Variants in ARHGEF1 observed in about 807,000 individuals in gnomAD.
The protein encoded by ARHGEF1 is Rho guanine nucleotide exchange factor 1.
In ARHGEF1, 40 loss-of-function variants were observed where a neutral mutation model predicts 119.7. The ratio of observed to expected loss-of-function variants is 0.33; its 90% confidence interval spans 0.26 to 0.44. The LOEUF is 0.44. Ranked by LOEUF, ARHGEF1 falls within the 20% of genes least tolerant of loss-of-function variation. ARHGEF1 has a pLI of 1.00. For synonymous variants in ARHGEF1, 494 were observed against 521.0 expected (o/e 0.95, Z 0.71); for missense variants, 976 against 1,268.3 (o/e 0.77, Z 3.50).
rs2074336981 is a variant in ARHGEF1, at chr19:41,889,020, G to C, written c.225+155G>C. The C allele has an allele frequency of 3.0e-6, 2 of 662,888 alleles. No homozygotes were observed. The highest frequency in any genetic ancestry group is 2.9e-5 in the Admixed American group (1 of 33,930). 41.1% of individuals were successfully genotyped at this position (662,888 alleles called of 1,614,324 possible). On this transcript the variant is annotated intron_variant, in intron 4 of 28. Transcript: ENST00000354532. The surrounding 1 kb of genome is among the most constrained non-coding windows in gnomAD (Gnocchi z 4.0). The stretch of plus-strand genomic sequence containing the variant: ...TAGAAAGAGAGAATGCTTTAGACAA[G>C]AGCCAGAAAGCATGCCACGTGACCT...
upstream of ARHGEF1, among the ~76,000 whole-genome samples, chr19:41,921,964 C>T (rs1251596488): frequency 6.8e-6 from 1 of 146,786 alleles, no homozygotes; most frequent in Non-Finnish European, 1.5e-5. The surrounding 1 kb of genome is among the most constrained non-coding windows in gnomAD (Gnocchi z 4.4). Flanking sequence ...TCATCCCCAA[C>T]TCCCACCCCT....
Position 41,907,353 on chromosome 19 carries a change from C to G in ARHGEF1, c.*266C>G, listed in dbSNP as rs1555850568. On this transcript the variant is annotated 3_prime_UTR_variant, in exon 29 of 29. Transcript: ENST00000354532. ...GTGACCCGGGCCATCTCAGTATTGC[C>G]TGTGGGGGCCACCCCTCCACCCCCA... 1 of 1,535,132 alleles carries G rather than the reference C, an allele frequency of 6.5e-7. No individual in the cohort carries two copies. Among genetic ancestry groups the G allele is most frequent in the South Asian group, 1.2e-5 (1 of 83,938 alleles).
downstream of ARHGEF1, chr19:41,909,545 G>A (rs1488715811): frequency 2.7e-6 from 3 of 1,099,572 alleles, no homozygotes; most frequent in Admixed American, 7.8e-5. The surrounding 1 kb of genome is among the most constrained non-coding windows in gnomAD (Gnocchi z 5.2). Context: ...CTTAATGCGT[G>A]TGCTGTCCCA....
Position 41,894,235 on chromosome 19 carries a change from T to C in ARHGEF1, c.673T>C (p.Tyr225His), listed in dbSNP as rs782032909. The C allele has an allele frequency of 1.9e-6, 3 of 1,557,800 alleles. No individual in the cohort carries two copies. The highest frequency in any genetic ancestry group is 2.6e-6 in the Non-Finnish European group (3 of 1,150,072). ...SAAVVNAIGL[Y>H]MRHLGVRTKS... ...TGCCGTGGTCAACGCCATTGGCCTG[T>C]ACATGCGCCACCTTGGGGTGCGGAC... The change falls in exon 9 of 29, where the codon TAC becomes CAC. Residue 225 changes from tyrosine to histidine, a missense_variant. Tyr to His is a moderately conservative substitution (Grantham distance 83). Coordinates refer to ENST00000354532, the MANE Select transcript of ARHGEF1 (RefSeq NM_004706.4).
chr19:41,893,162 C>G, intron 7 of ARHGEF1, 112 bp from the exon 8 acceptor site: 2 of 1,436,838 alleles, frequency 1.4e-6, no homozygotes, highest in African/African-American at 1.4e-5. Context: ...TGTCCCCTCT[C>G]TGTCTCTCTT....
At chr19:41,913,709 C>A (rs1370668731) in intron 18 of ARHGEF1, among the ~76,000 whole-genome samples, 1 of 151,156 alleles carries the variant, frequency 6.6e-6, no homozygotes, top group Admixed American at 6.6e-5. Context: ...TCAGACACTC[C>A]CTCTCCCTAG....
chr19:41,896,312 C>T, intron 12 of ARHGEF1, 65 bp from the exon 13 acceptor site: 1 of 847,200 alleles, frequency 1.2e-6, no homozygotes, highest in Non-Finnish European at 1.7e-6. Flanking sequence ...AATTCCAGGC[C>T]CCCAGAGTGT....
rs1018986438 is a variant in ARHGEF1 at position 41,917,830 on chromosome 19, C to T, written c.1866-5262C>T. Among the ~76,000 whole-genome samples, 19 of 151,964 alleles carry T rather than the reference C, an allele frequency of 1.3e-4. No individual in the cohort carries two copies. The highest frequency in any genetic ancestry group is 7.9e-4 in the Admixed American group (12 of 15,270). On this transcript the variant is annotated intron_variant, in intron 18 of 20. Coordinates refer to the ARHGEF1 transcript ENST00000599589. This position sits in a 1 kb window ranked among gnomAD's most constrained non-coding sequence, Gnocchi z 4.8. ...ACCATGCACAGCCCCAGCCATGGGA[C>T]GGCTGCCAGCCCCACCCATCTGTTG...
At chr19:41,887,091 G>T (rs1555845336) in intron 1 of ARHGEF1, among the ~76,000 whole-genome samples, 1 of 152,144 alleles carries the variant, frequency 6.6e-6, no homozygotes, top group East Asian at 1.9e-4. Context: ...GTGTGAGGAT[G>T]GTGGCTGCAG....
downstream of ARHGEF1, chr19:41,909,513 C>A: frequency 8.0e-7 from 1 of 1,247,082 alleles, no homozygotes. This position sits in a 1 kb window ranked among gnomAD's most constrained non-coding sequence, Gnocchi z 5.2. Flanking sequence ...CAGGGGGAGC[C>A]CTGGGGCGGG....
chr19:41,904,185 G>C lies in ARHGEF1; in HGVS notation c.1994-31G>C. 1 of 1,612,438 alleles carries C rather than the reference G, an allele frequency of 6.2e-7. No homozygotes were observed. The highest frequency in any genetic ancestry group is 1.1e-5 in the South Asian group (1 of 91,020). On this transcript the variant is annotated intron_variant, in intron 21 of 28. Transcript: ENST00000354532. This position sits in a 1 kb window ranked among gnomAD's most constrained non-coding sequence, Gnocchi z 8.4. ...AGGGCGGGGAGGGGGTCGCGCGGGG[G>C]CACGCCGTGTGAGCACTGCTCGCCC...
exon 3 of ARHGEF1, chr19:41,929,973 T>C (rs916729814): frequency 2.6e-5 from 4 of 152,236 alleles, no homozygotes; most frequent in Non-Finnish European, 5.9e-5. Flanking sequence ...AGTTTCCTCA[T>C]CTGCAAAATG....
intron 14 of ARHGEF1, among the ~76,000 whole-genome samples, chr19:41,901,381 A>AC (rs1456492089): frequency 2.0e-5 from 3 of 150,564 alleles, no homozygotes; most frequent in Non-Finnish European, 4.4e-5. Flanking sequence ...TGAACTCCTG[A>AC]CCTTGTGATC....
chr19:41,924,696 C>T (rs1398457811), intron 1 of ARHGEF1, among the ~76,000 whole-genome samples: 1 of 151,870 alleles, frequency 6.6e-6, no homozygotes, highest in Non-Finnish European at 1.5e-5. Context: ...CTGTGCAGTG[C>T]GGGGAGCAGG....
At chr19:41,911,642 C>A (rs1474173688), downstream of ARHGEF1, among the ~76,000 whole-genome samples, 1 of 152,118 alleles carries the variant, frequency 6.6e-6, no homozygotes, top group African/African-American at 2.4e-5. Flanking sequence ...GGGTCTTTCT[C>A]ACCTCCCATG....
Position 41,902,784 on chromosome 19 carries a change from G to A in ARHGEF1, c.1624G>A (p.Glu542Lys). 6.2e-7 allele frequency: 1 copy of A among 1,613,152 alleles called. No individual in the cohort carries two copies. The highest frequency in any genetic ancestry group is 8.5e-7 in the Non-Finnish European group (1 of 1,179,984). The change falls in exon 18 of 29, where the codon GAA becomes AAA. Residue 542 changes from glutamate (E) to lysine (K), a missense_variant and splice_region_variant. Transcript: ENST00000354532. This position sits in a 1 kb window ranked among gnomAD's most constrained non-coding sequence, Gnocchi z 6.5. ...CGCAACACCAGCATGTTTCCCGCAG[G>A]AAGCTGAGAGCCGCCCGCGGTGCCG... The part of the protein sequence containing the change: ...KDPRFCAFVQ[E>K]AESRPRCRRL...
At chr19:41,919,615 G>A (rs1216617822), upstream of ARHGEF1, among the ~76,000 whole-genome samples, 1 of 151,922 alleles carries the variant, frequency 6.6e-6, no homozygotes, top group Non-Finnish European at 1.5e-5. Context: ...CCAACACAGC[G>A]CCACACAAAC....
intron 14 of ARHGEF1, among the ~76,000 whole-genome samples, chr19:41,899,615 T>C (rs1407879345): frequency 6.6e-6 from 1 of 151,862 alleles, no homozygotes; most frequent in East Asian, 1.9e-4. Flanking sequence ...GTTCAAGTGA[T>C]TCTCCTGCCT....
chr19:41,921,805 C>T (rs1442183548), upstream of ARHGEF1, among the ~76,000 whole-genome samples: 2 of 151,994 alleles, frequency 1.3e-5, no homozygotes, highest in Non-Finnish European at 1.5e-5. The surrounding 1 kb of genome is among the most constrained non-coding windows in gnomAD (Gnocchi z 4.4). Context: ...CGCCCCACCT[C>T]GCCCTTCTTC....
Sources: gnomAD v4.1 joint callset for allele counts (sites outside exome capture counted in the v4.1 genomes callset) on GRCh38, gnomAD v4.1.1 for gene constraint, Gnocchi (gnomAD v3.1) non-coding constraint, MANE v1.5 for transcripts, NCBI Gene and HGNC (gene_info 2026-07-23, HGNC 2026-07-21) for gene names.